ZBTB44: variants seen among roughly 807,000 people sequenced by gnomAD.
The protein encoded by ZBTB44 is zinc finger and BTB domain containing 44.
ZBTB44 carries 15 observed loss-of-function variants against 54.0 expected under a neutral mutation model. The ratio of observed to expected loss-of-function variants is 0.28; its 90% CI spans 0.19 to 0.43. The LOEUF (loss-of-function observed/expected upper bound fraction) is 0.43, where lower values mean the gene tolerates loss of function less well. Ranked by LOEUF, ZBTB44 falls within the 20% of genes least tolerant of loss-of-function variation. The pLI, the probability that ZBTB44 is intolerant of heterozygous loss-of-function variation, is 1.00. For synonymous variants in ZBTB44, 230 were observed against 250.1 expected (o/e 0.92, Z 0.76); for missense variants, 487 against 707.1 (o/e 0.69, Z 3.53).
chr11:130,235,171 C>T (rs189076900), intron 5 of ZBTB44, among the ~76,000 whole-genome samples: 1 of 152,230 alleles, frequency 6.6e-6, no homozygotes, highest in East Asian at 1.9e-4. Flanking sequence ...TTTATAATTT[C>T]ATTGTTCAGT....
At chr11:130,295,405 T>C (rs1941581283) in intron 1 of ZBTB44, among the ~76,000 whole-genome samples, 1 of 151,080 alleles carries the variant, frequency 6.6e-6, no homozygotes, top group African/African-American at 2.4e-5. Flanking sequence ...AAGAGAAAAA[T>C]GGTGAATGAT....
intron 2 of ZBTB44, among the ~76,000 whole-genome samples, chr11:130,244,684 AAAG>A (rs1388748175): frequency 3.0e-3 from 239 of 78,490 alleles, no homozygotes; most frequent in Non-Finnish European, 8.2e-3. Context: ...AAAAAAAAAA[AAAG>A]AAAGAAAATG....
chr11:130,238,839 C>T (rs1416586077), intron 3 of ZBTB44: 12 of 388,396 alleles, frequency 3.1e-5, no homozygotes, highest in East Asian at 1.9e-4. Flanking sequence ...GAAGTCATAT[C>T]GTGTAGGGCT....
chr11:130,267,245 CAG>C (rs1025267898), intron 1 of ZBTB44, among the ~76,000 whole-genome samples: 1 of 152,036 alleles, frequency 6.6e-6, no homozygotes, highest in African/African-American at 2.4e-5. Flanking sequence ...ACCTGGGCGA[CAG>C]AGTGAGACCC....
rs541195151 is a variant in ZBTB44, at chr11:130,265,572, C to T, written c.-56-3643G>A. ...GAGCCTGAAAGCTAGACCTTTTATACCAAACAGCTAGCCAAGCTGTGATAG... is the reference window on the plus strand; with the variant it reads ...GAGCCTGAAAGCTAGACCTTTTATATCAAACAGCTAGCCAAGCTGTGATAG... On this transcript the variant is annotated intron_variant, in intron 1 of 7. Transcript: ENST00000357899. Among the ~76,000 whole-genome samples the T allele has an allele frequency of 7.2e-5, 11 of 152,238 alleles. No individual in the cohort carries two copies. The South Asian group carries it at 2.3e-3, about 32-fold the overall frequency.
At chr11:130,263,508 G>C (rs959212643) in intron 1 of ZBTB44, among the ~76,000 whole-genome samples, 2 of 152,222 alleles carry the variant, frequency 1.3e-5, no homozygotes, top group African/African-American at 4.8e-5. Flanking sequence ...TTCAGAGCAA[G>C]TGAATTAGTT....
At chr11:130,279,574 G>A (rs193068296) in intron 1 of ZBTB44, among the ~76,000 whole-genome samples, 2 of 152,216 alleles carry the variant, frequency 1.3e-5, no homozygotes, top group Admixed American at 6.5e-5. Flanking sequence ...CAGGAGAATC[G>A]CTCGAGTCCA....
chr11:130,280,708 T>C (rs557380659), intron 1 of ZBTB44, among the ~76,000 whole-genome samples: 69 of 152,338 alleles, frequency 4.5e-4, no homozygotes, highest in African/African-American at 1.6e-3. Context: ...AATTAAAAAA[T>C]CACCAAACTT....
At chr11:130,306,945 A>C (rs148327345) in intron 1 of ZBTB44, among the ~76,000 whole-genome samples, 1,889 of 152,014 alleles carry the variant, frequency 0.012, 19 homozygotes, top group Non-Finnish European at 0.02. Context: ...TACAGCGTAC[A>C]CTGCTCAGGT....
intron 1 of ZBTB44, among the ~76,000 whole-genome samples, chr11:130,303,376 G>A (rs1240440636): frequency 6.6e-6 from 1 of 152,174 alleles, no homozygotes; most frequent in African/African-American, 2.4e-5. Flanking sequence ...TGGCTCACAC[G>A]TTTAATCCCG....
At chr11:130,248,146 T>C (rs557049853) in intron 2 of ZBTB44, among the ~76,000 whole-genome samples, 21 of 152,338 alleles carry the variant, frequency 1.4e-4, no homozygotes, top group South Asian at 8.3e-4. Flanking sequence ...TTTAACAAAT[T>C]AGTAAGTAAA....
chr11:130,238,629 A>G, intron 3 of ZBTB44, 22 bp from the exon 4 acceptor site: 1 of 1,598,518 alleles, frequency 6.3e-7, no homozygotes, highest in Non-Finnish European at 8.5e-7. Flanking sequence ...AGACCAAAGA[A>G]GGCAACCAGG....
Position 130,229,803 on chromosome 11 carries a change from C to G in ZBTB44, c.*1961G>C, listed in dbSNP as rs1213570848. On this transcript the variant is annotated 3_prime_UTR_variant, in exon 8 of 8. Transcript: ENST00000357899. ...GCATCTTACGTCAATAACTTACTTA[C>G]AGTGAAAACTACATTTATTTATTAC... The G allele has an allele frequency of 2.6e-5, 4 of 152,150 alleles. No individual in the cohort carries two copies. In the East Asian group the frequency reaches 7.7e-4, roughly 29 times the overall value. 9.4% of individuals were successfully genotyped at this position (152,150 alleles called of 1,614,324 possible).
intron 1 of ZBTB44, among the ~76,000 whole-genome samples, chr11:130,273,485 G>C (rs1173636277): frequency 6.6e-6 from 1 of 151,656 alleles, no homozygotes; most frequent in East Asian, 1.9e-4. Context: ...GCTAATTTTT[G>C]TATTTTTTGT....
chr11:130,309,474 A>G (rs567470162), intron 1 of ZBTB44, among the ~76,000 whole-genome samples: 1 of 152,326 alleles, frequency 6.6e-6, no homozygotes, highest in South Asian at 2.1e-4. Context: ...CATAATTATG[A>G]ATTTATATCA....
At chr11:130,292,479 T>A (rs1941361154) in intron 1 of ZBTB44, among the ~76,000 whole-genome samples, 1 of 151,894 alleles carries the variant, frequency 6.6e-6, no homozygotes, top group East Asian at 1.9e-4. Context: ...CCTAAAAGAG[T>A]ACATACACTG....
Position 130,297,241 on chromosome 11 carries a change from GC to G in ZBTB44, c.-57+17133del, listed in dbSNP as rs569072187. Among the ~76,000 whole-genome samples the G allele has an allele frequency of 1.9e-3, 291 of 152,236 alleles. 3 individuals are homozygous for G. Among genetic ancestry groups the G allele is most frequent in the African/African-American group, 6.7e-3 (278 of 41,566 alleles). On this transcript the variant is annotated intron_variant, in intron 1 of 7. Coordinates refer to ENST00000357899, the MANE Select transcript of ZBTB44 (RefSeq NM_001301098.2). ...TTTTTATTTTTGGGATATAAAACAG[GC>G]TCTAATTTTCTTGGTTGCCCAAGAG...
At chr11:130,301,383 C>T (rs991649816) in intron 1 of ZBTB44, among the ~76,000 whole-genome samples, 4 of 152,166 alleles carry the variant, frequency 2.6e-5, no homozygotes, top group Non-Finnish European at 4.4e-5. Flanking sequence ...GCCGAGTATG[C>T]TGGCTCATGC....
chr11:130,240,262 G>A (rs944106261), intron 2 of ZBTB44, among the ~76,000 whole-genome samples: 8 of 151,808 alleles, frequency 5.3e-5, no homozygotes, highest in Non-Finnish European at 5.9e-5. Flanking sequence ...GGATGGTCTC[G>A]ATATCCTGAC....
Sources: gnomAD v4.1 joint callset for allele counts (sites outside exome capture counted in the v4.1 genomes callset) on GRCh38, gnomAD v4.1.1 for gene constraint, MANE v1.5 for transcripts, NCBI Gene and HGNC (gene_info 2026-07-23, HGNC 2026-07-21) for gene names.